The following SYNC variants were observed in gnomAD, a reference collection of about 807,000 sequenced individuals.
The protein encoded by SYNC is syncoilin, intermediate filament protein, also known as syncoilin.
A neutral mutation model predicts 49.5 loss-of-function variants in SYNC; 38 were observed. That is an observed-to-expected ratio of 0.77 (90% CI 0.59 to 1.01). The LOEUF (loss-of-function observed/expected upper bound fraction) is 1.01. SYNC is among the 50% of genes least tolerant of loss of function. The pLI is 0.00. For missense variants in SYNC, 579 were observed against 580.6 expected, an observed-to-expected ratio of 1.00 and a Z score of 0.03; for synonymous variants, 201 against 230.8, an observed-to-expected ratio of 0.87 and a Z score of 1.17.
At position 32,684,278 on chromosome 1, in the gene SYNC, A is replaced by G; in HGVS notation, c.1338T>C (p.Ala446=). The change falls in exon 3 of 5, where the codon GCT becomes GCC. Residue 446 remains alanine, a synonymous_variant. Coordinates refer to ENST00000409190, the MANE Select transcript of SYNC (RefSeq NM_030786.3). ...KEMEQLRLSL[A]EELSTYKAML... The stretch of plus-strand genomic sequence containing the variant: ...CTGACTTATAAGTAGAGAGCTCTTC[A>G]GCAAGACTGAGCCTTAGCTGTTCCA... The G allele has an allele frequency of 6.2e-7, 1 of 1,614,214 alleles. No individual in the cohort carries two copies. The highest frequency in any genetic ancestry group is 8.5e-7 in the Non-Finnish European group (1 of 1,180,050).
Position 32,680,020 on chromosome 1 carries a change from T to G in SYNC, c.*1830A>C. The G allele has an allele frequency of 8.9e-7, 1 of 1,127,618 alleles. No homozygotes were observed. The highest frequency in any genetic ancestry group is 1.1e-6 in the Non-Finnish European group (1 of 921,372). 69.9% of individuals were successfully genotyped at this position (1,127,618 alleles called of 1,614,324 possible). A position where few individuals can be genotyped will look rare whatever the true frequency, so the allele number is the denominator to read the frequency against. The stretch of plus-strand genomic sequence containing the variant: ...TGCTATATCCCCAAGTTTTTCAGAC[T>G]CATTTAAGTAAAGGCTAGAGTGAGT... On this transcript the variant is annotated 3_prime_UTR_variant, in exon 5 of 5. Transcript: ENST00000409190.
chr1:32,682,593 A>G (rs1282770613), intron 4 of SYNC: 1 of 151,938 alleles, frequency 6.6e-6, no homozygotes. Context: ...CAAGATGGTG[A>G]AACCCCGTTT....
In SYNC at chr1:32,680,166, G is replaced by C. The variant is rs1557863239; in HGVS notation, c.*1684C>G. 9.5e-7 allele frequency: 1 copy of C among 1,057,462 alleles called. No individual in the cohort carries two copies. Among genetic ancestry groups the C allele is most frequent in the Non-Finnish European group, 1.1e-6 (1 of 895,356 alleles). 65.5% of individuals were successfully genotyped at this position (1,057,462 alleles called of 1,614,324 possible). A position where few individuals can be genotyped will look rare whatever the true frequency, so the allele number is the denominator to read the frequency against. On this transcript the variant is annotated 3_prime_UTR_variant, in exon 5 of 5. Transcript: ENST00000409190. ...ATATAGATTCCTACTCGAAAATCTT[G>C]ACACCTGACTTTCCAGGATGCACAT...
chr1:32,701,162 A>G (rs955840115), intron 1 of SYNC, among the ~76,000 whole-genome samples: 25 of 152,022 alleles, frequency 1.6e-4, no homozygotes, highest in African/African-American at 6.0e-4. Flanking sequence ...TGATCCGCAC[A>G]CCTCGGCGTC....
intron 2 of SYNC, among the ~76,000 whole-genome samples, chr1:32,687,361 CAAAA>C (rs11383471): frequency 8.1e-6 from 1 of 123,594 alleles, no homozygotes; most frequent in African/African-American, 3.1e-5. Context: ...GACTTCATCT[CAAAA>C]AAAAAAAAAA....
chr1:32,681,930 A>C, intron 4 of SYNC, 70 bp from the exon 5 acceptor site: 1 of 1,390,936 alleles, frequency 7.2e-7, no homozygotes, highest in Non-Finnish European at 1.0e-6. Flanking sequence ...CTTTGTTGAG[A>C]AGAGATTGTT....
intron 2 of SYNC, among the ~76,000 whole-genome samples, chr1:32,690,585 G>A (rs796411365): frequency 7.9e-5 from 12 of 151,024 alleles, no homozygotes; most frequent in African/African-American, 2.9e-4. Context: ...CGGAGATTTC[G>A]GTGAGCCAAG....
At chr1:32,688,075 TCCA>T (rs1649975766) in intron 2 of SYNC, among the ~76,000 whole-genome samples, 1 of 151,920 alleles carries the variant, frequency 6.6e-6, no homozygotes, top group South Asian at 2.1e-4. Context: ...CCTCAGGTGA[TCCA>T]CCTGCCTCGG....
chr1:32,687,843 A>ATTATTATTATTATTATTATTAT (rs1341210531), intron 2 of SYNC, among the ~76,000 whole-genome samples: 1,069 of 29,586 alleles, frequency 0.036, 69 homozygotes, highest in Admixed American at 0.29. Flanking sequence ...AATTATTATT[A>ATTATTATTATTATTATTATTAT]TTATTATTAT....
Position 32,695,756 on chromosome 1 carries a change from C to A in SYNC, c.342G>T (p.Glu114Asp). Residue 114 changes from glutamate to aspartate, a missense_variant, in exon 2 of 5, where the codon GAG becomes GAT. Physicochemically the swap from Glu to Asp is conservative, Grantham distance 45. Coordinates refer to ENST00000409190, the MANE Select transcript of SYNC (RefSeq NM_030786.3). ...CCTCCACAAACTGTATCCGATCTGGCTCCGTGGTTTCCTCCACACACACTG... is the reference window on the plus strand; with the variant it reads ...CCTCCACAAACTGTATCCGATCTGGATCCGTGGTTTCCTCCACACACACTG... ...EETVCVEETT[E>D]PDRIQFVEGP... 6.4e-7 allele frequency: 1 copy of A among 1,551,674 alleles called. No individual in the cohort carries two copies. The highest frequency in any genetic ancestry group is 2.4e-5 in the East Asian group (1 of 40,892).
chr1:32,699,252 C>T (rs1310022597), intron 1 of SYNC, among the ~76,000 whole-genome samples: 2 of 144,004 alleles, frequency 1.4e-5, no homozygotes, highest in South Asian at 2.3e-4. Flanking sequence ...CTCCTGGGTT[C>T]AAGTGATTCT....
upstream of SYNC, chr1:32,702,820 G>A (rs1398102837): frequency 1.8e-5 from 9 of 500,494 alleles, no homozygotes; most frequent in Admixed American, 4.8e-4. The surrounding 1 kb of genome is among the most constrained non-coding windows in gnomAD (Gnocchi z 6.2). Flanking sequence ...CCTGCCGGGG[G>A]AGGAGGGAGC....
chr1:32,680,504 A>G lies in SYNC; in HGVS notation c.*1346T>C. ...TTTAAAAATTAAATTAATCCTTGAT[A>G]AGAGTTGCTTTTTTTTTTTAGGAGT... On this transcript the variant is annotated 3_prime_UTR_variant, in exon 5 of 5. Transcript: ENST00000409190. 2 of 1,541,948 alleles carry G rather than the reference A, an allele frequency of 1.3e-6. No individual in the cohort carries two copies. The highest frequency in any genetic ancestry group is 1.7e-6 in the Non-Finnish European group (2 of 1,143,956).
intron 1 of SYNC, among the ~76,000 whole-genome samples, chr1:32,697,752 A>C (rs1002746899): frequency 4.6e-5 from 7 of 151,726 alleles, no homozygotes; most frequent in Middle Eastern, 3.4e-3. Context: ...AACAAAAAAA[A>C]CCCAGCTTAT....
At chr1:32,698,184 C>T (rs1055718989) in intron 1 of SYNC, among the ~76,000 whole-genome samples, 2 of 145,798 alleles carry the variant, frequency 1.4e-5, no homozygotes, top group African/African-American at 5.1e-5. Context: ...GATCACACCA[C>T]AGCCTGGGCG....
chr1:32,688,313 A>C (rs1233757036), intron 2 of SYNC, among the ~76,000 whole-genome samples: 1 of 152,108 alleles, frequency 6.6e-6, no homozygotes, highest in African/African-American at 2.4e-5. Flanking sequence ...CCTAACTCAT[A>C]GAGATGTAAG....
chr1:32,695,382 A>T lies in SYNC; in HGVS notation c.716T>A (p.Ile239Asn), dbSNP rs1570920685. Residue 239 changes from isoleucine to asparagine, a missense_variant, in exon 2 of 5, where the codon ATC (isoleucine) becomes AAC (asparagine). Coordinates refer to ENST00000409190, the MANE Select transcript of SYNC (RefSeq NM_030786.3). ...GAAAAGCTTCTGCTTGACCAGCCGG[A>T]TCTCCTCCCTTAGGCCATCTCTCTC... is the stretch of plus-strand genomic sequence containing the variant. ...ELERDGLREE[I>N]RLVKQKLFKV... 2 of 1,551,316 alleles carry T rather than the reference A, an allele frequency of 1.3e-6. No homozygotes were observed. The highest frequency in any genetic ancestry group is 2.0e-5 in the Admixed American group (1 of 50,846).
rs528850058 is a variant in SYNC, at chr1:32,684,057, G to C, written c.1391C>G (p.Ala464Gly). Residue 464 changes from alanine to glycine, a missense_variant, in exon 4 of 5, where the codon GCT (alanine) becomes GGT (glycine). Ala to Gly is a moderately conservative substitution (Grantham distance 60). Coordinates refer to ENST00000409190, the MANE Select transcript of SYNC (RefSeq NM_030786.3). Reference protein sequence around the residue: ...AMLLPKSLEQADAPTSQAGGM... With the variant: ...AMLLPKSLEQGDAPTSQAGGM... ...ACCTGCCTGAGAAGTGGGAGCATCA[G>C]CCTGTTCCAGGCTCTTGGGTAGTAG... 30 of 1,614,222 alleles carry C rather than the reference G, an allele frequency of 1.9e-5. No homozygotes were observed. The South Asian group carries it at 2.3e-4, about 12-fold the overall frequency.
chr1:32,681,615 C>A lies in SYNC; in HGVS notation c.*235G>T. 3 of 613,164 alleles carry A rather than the reference C, an allele frequency of 4.9e-6. No homozygotes were observed. The highest frequency in any genetic ancestry group is 5.8e-6 in the Non-Finnish European group (2 of 347,214). The allele number at this position is 613,164 out of a possible 1,614,324, so 38.0% of individuals were successfully genotyped here. On this transcript the variant is annotated 3_prime_UTR_variant, in exon 5 of 5. Coordinates refer to ENST00000409190, the MANE Select transcript of SYNC (RefSeq NM_030786.3). ...TTTCCTTTCCTTGGTGCATTGAGAT[C>A]AGTATCAACAGCAGATGAAATAGAA...
Sources: gnomAD v4.1 joint callset for allele counts (sites outside exome capture counted in the v4.1 genomes callset) on GRCh38, gnomAD v4.1.1 for gene constraint, Gnocchi (gnomAD v3.1) non-coding constraint, MANE v1.5 for transcripts, NCBI Gene and HGNC (gene_info 2026-07-23, HGNC 2026-07-21) for gene names.